The following ALPK1 variants were observed in gnomAD, a reference collection of about 807,000 sequenced individuals.
ALPK1 encodes alpha kinase 1.
A neutral mutation model predicts 120.6 loss-of-function variants in ALPK1; 110 were observed. That is an observed-to-expected ratio of 0.91 (90% CI 0.78 to 1.07). The LOEUF (loss-of-function observed/expected upper bound fraction) is 1.07, where lower values mean the gene tolerates loss of function less well. Ranked by LOEUF, ALPK1 falls within the 50% of genes least tolerant of loss-of-function variation. The probability of loss-of-function intolerance (pLI) is 0.00; values close to 1 mark genes in which losing one functional copy is unlikely to be tolerated. For synonymous variants in ALPK1, 582 were observed against 560.3 expected, an observed-to-expected ratio of 1.04 and a Z score of -0.55; for missense variants, 1,498 against 1,483.9, an observed-to-expected ratio of 1.01 and a Z score of -0.16.
intron 5 of ALPK1, among the ~76,000 whole-genome samples, chr4:112,422,112 C>G (rs1386606404): frequency 3.9e-5 from 6 of 152,106 alleles, no homozygotes; most frequent in Non-Finnish European, 7.4e-5. Context: ...AGCATGGATC[C>G]GCTGGACAAA....
chr4:112,403,212 C>A (rs543812916), intron 4 of ALPK1, among the ~76,000 whole-genome samples: 2 of 151,760 alleles, frequency 1.3e-5, no homozygotes, highest in African/African-American at 4.8e-5. Flanking sequence ...CCCGCCCCCT[C>A]CCCGGCATAC....
At chr4:112,357,164 AGCT>A (rs1730671663) in intron 2 of ALPK1, 1 of 1,514,596 alleles carries the variant, frequency 6.6e-7, no homozygotes, top group Non-Finnish European at 9.1e-7. Context: ...CAAGCCAGGG[AGCT>A]ACATCTTTGA....
chr4:112,301,614 C>G (rs1318913874), intron 1 of ALPK1, among the ~76,000 whole-genome samples: 1 of 152,142 alleles, frequency 6.6e-6, no homozygotes, highest in Non-Finnish European at 1.5e-5. Flanking sequence ...TATTCCCAAG[C>G]ACATGTTCTC....
chr4:112,325,873 T>G (rs2148697603), intron 2 of ALPK1, among the ~76,000 whole-genome samples: 1 of 152,296 alleles, frequency 6.6e-6, no homozygotes, highest in South Asian at 2.1e-4. Context: ...AATTCCCCTC[T>G]TCTCTTCTGT....
At chr4:112,357,642 G>A in intron 2 of ALPK1, 1 of 1,608,314 alleles carries the variant, frequency 6.2e-7, no homozygotes, top group Non-Finnish European at 8.5e-7. Context: ...TCATCGACAA[G>A]CACCAGATCT....
At chr4:112,426,603 T>C in intron 8 of ALPK1, 60 bp downstream of exon 8, 5 of 1,327,952 alleles carry the variant, frequency 3.8e-6, no homozygotes, top group Non-Finnish European at 5.1e-6. Context: ...TGATTATCTC[T>C]TCATGACAGA....
chr4:112,325,634 T>C (rs1172984227), intron 2 of ALPK1, among the ~76,000 whole-genome samples: 2 of 152,184 alleles, frequency 1.3e-5, no homozygotes, highest in Admixed American at 1.3e-4. Flanking sequence ...CGGCGTTTTG[T>C]TATCACACAT....
At chr4:112,304,814 A>G (rs780957800) in intron 1 of ALPK1, among the ~76,000 whole-genome samples, 84 of 152,188 alleles carry the variant, frequency 5.5e-4, no homozygotes, top group Non-Finnish European at 1.1e-3. Context: ...TTAGACATGA[A>G]GTCCTTGCCC....
At chr4:112,379,225 C>T (rs1248232658) in intron 3 of ALPK1, among the ~76,000 whole-genome samples, 1 of 152,186 alleles carries the variant, frequency 6.6e-6, no homozygotes, top group Non-Finnish European at 1.5e-5. Context: ...ATTTTCTTTT[C>T]TTTTTCTTCA....
chr4:112,382,854 C>A (rs1486436387), intron 4 of ALPK1: 1 of 313,530 alleles, frequency 3.2e-6, no homozygotes, highest in Non-Finnish European at 6.0e-6. Flanking sequence ...TTTGATTTCA[C>A]CATTCCTCAC....
chr4:112,299,794 T>C (rs1727707472), intron 1 of ALPK1, among the ~76,000 whole-genome samples: 1 of 152,186 alleles, frequency 6.6e-6, no homozygotes, highest in Admixed American at 6.5e-5. Context: ...TCCTCGTAAA[T>C]TATCATATAA....
rs772707396 is a variant in ALPK1, at chr4:112,432,101, G to A, written c.2554G>A (p.Asp852Asn). The change falls in exon 11 of 16, where the codon GAT becomes AAT. Residue 852 changes from aspartate (D) to asparagine (N), a missense_variant. Coordinates refer to ENST00000650871, the MANE Select transcript of ALPK1 (RefSeq NM_025144.4). ...CATCGACCCTGATGCCTCCACAGTG[G>A]ATGAGGAGGGGCAACTGCTCGACAG... ...QGIDPDASTV[D>N]EEGQLLDSMD... The A allele has an allele frequency of 4.5e-5, 73 of 1,614,076 alleles. No individual in the cohort carries two copies. The highest frequency in any genetic ancestry group is 4.1e-5 in the Non-Finnish European group (48 of 1,180,032).
At chr4:112,342,299 C>T (rs987875790) in intron 2 of ALPK1, among the ~76,000 whole-genome samples, 3 of 152,152 alleles carry the variant, frequency 2.0e-5, no homozygotes, top group Non-Finnish European at 2.9e-5. Context: ...TAGCAATTGT[C>T]TCCTAAAACT....
chr4:112,431,996 C>T lies in ALPK1; in HGVS notation c.2449C>T (p.Pro817Ser), dbSNP rs1734581073. 6.2e-7 allele frequency: 1 copy of T among 1,613,978 alleles called. No individual in the cohort carries two copies. Among genetic ancestry groups the T allele is most frequent in the African/African-American group, 1.3e-5 (1 of 74,942 alleles). ...HNSLGNISML[P>S]CSSFTPNWPV... ...TTCTCTGGGAAACATTTCCATGCTG[C>T]CATGTAGCTCCTTCACCCCTAATTG... Residue 817 changes from proline to serine, a missense_variant, in exon 11 of 16, where the codon CCA (proline) becomes TCA (serine). By Grantham distance (74) the Pro-to-Ser change is moderately conservative. Transcript: ENST00000650871.
At chr4:112,375,421 C>G (rs1377952435) in intron 2 of ALPK1, among the ~76,000 whole-genome samples, 1 of 152,132 alleles carries the variant, frequency 6.6e-6, no homozygotes, top group Non-Finnish European at 1.5e-5. Context: ...ACTAGCTTTT[C>G]TATATAATTT....
chr4:112,432,738 C>T (rs1048310794), intron 11 of ALPK1, among the ~76,000 whole-genome samples, 157 bp downstream of exon 11: 4 of 152,272 alleles, frequency 2.6e-5, no homozygotes, highest in Admixed American at 1.3e-4. Flanking sequence ...AGGGGTCTCC[C>T]TCACTCTGTG....
intron 2 of ALPK1, among the ~76,000 whole-genome samples, chr4:112,332,366 A>G (rs1729421202): frequency 2.0e-5 from 3 of 152,228 alleles, no homozygotes; most frequent in Admixed American, 6.5e-5. Flanking sequence ...GGATATCTCA[A>G]TATACTCCAG....
chr4:112,307,356 A>C (rs865800939), intron 1 of ALPK1, among the ~76,000 whole-genome samples: 5 of 152,056 alleles, frequency 3.3e-5, no homozygotes, highest in Middle Eastern at 3.4e-3. Flanking sequence ...TGGGGTGTTA[A>C]ACTCTCCCGT....
chr4:112,370,454 T>C (rs1215477799), intron 2 of ALPK1, among the ~76,000 whole-genome samples: 1 of 151,968 alleles, frequency 6.6e-6, no homozygotes, highest in Middle Eastern at 3.2e-3. Flanking sequence ...AAGTAATTCA[T>C]TGATTACCAA....
Sources: gnomAD v4.1 joint callset for allele counts (sites outside exome capture counted in the v4.1 genomes callset) on GRCh38, gnomAD v4.1.1 for gene constraint, MANE v1.5 for transcripts, NCBI Gene and HGNC (gene_info 2026-07-23, HGNC 2026-07-21) for gene names.